The following ULK4 variants were observed in gnomAD, a reference collection of about 807,000 sequenced individuals.
The protein encoded by ULK4 is inactive serine/threonine-protein kinase ULK4.
A neutral mutation model predicts 160.6 loss-of-function variants in ULK4; 133 were observed. The ratio of observed to expected loss-of-function variants is 0.83; its 90% confidence interval spans 0.72 to 0.96. ULK4 has a LOEUF of 0.96. ULK4 is among the 40% of genes least tolerant of loss of function. ULK4 has a pLI of 0.00. For missense variants in ULK4, 1,580 were observed against 1,499.5 expected, an observed-to-expected ratio of 1.05 and a Z score of -0.89; for synonymous variants, 534 against 539.8, an observed-to-expected ratio of 0.99 and a Z score of 0.15.
At position 41,935,905 on chromosome 3, in the gene ULK4, T is replaced by C; in HGVS notation, c.274A>G (p.Asn92Asp). ...TCTCTCACAACATCTTCTGGGAGGT[T>C]TTCATCTTGAGCAATAACTGTTTTT... is the stretch of plus-strand genomic sequence containing the variant. ...SLKTVIAQDENLPEDVVREFG... is the reference protein window; with the variant it reads ...SLKTVIAQDEDLPEDVVREFG... The change falls in exon 4 of 37, where the codon AAC (asparagine) becomes GAC (aspartate). Residue 92 changes from asparagine (N) to aspartate (D), a missense_variant. By Grantham distance (23) the Asn-to-Asp change is conservative. Coordinates refer to ENST00000301831, the MANE Select transcript of ULK4 (RefSeq NM_017886.4). 6.2e-7 allele frequency: 1 copy of C among 1,613,858 alleles called. No homozygotes were observed. Among genetic ancestry groups the C allele is most frequent in the Non-Finnish European group, 8.5e-7 (1 of 1,179,950 alleles).
intron 34 of ULK4, among the ~76,000 whole-genome samples, chr3:41,415,838 T>C (rs762410882): frequency 6.6e-6 from 1 of 152,180 alleles, no homozygotes; most frequent in African/African-American, 2.4e-5. Context: ...ATGTACCTGG[T>C]AGACAGCACC....
chr3:41,658,988 T>C (rs1212801067), intron 30 of ULK4, among the ~76,000 whole-genome samples: 2 of 152,246 alleles, frequency 1.3e-5, no homozygotes, highest in Non-Finnish European at 2.9e-5. Flanking sequence ...AAACCCTCTT[T>C]ATTTTGATTG....
chr3:41,787,126 G>A (rs781006122), intron 21 of ULK4, among the ~76,000 whole-genome samples: 1 of 152,094 alleles, frequency 6.6e-6, no homozygotes, highest in Non-Finnish European at 1.5e-5. Flanking sequence ...AACCCCACCA[G>A]CAAAGAGCAA....
intron 35 of ULK4, among the ~76,000 whole-genome samples, chr3:41,305,452 C>T (rs1241345695): frequency 6.6e-6 from 1 of 152,266 alleles, no homozygotes; most frequent in Non-Finnish European, 1.5e-5. Context: ...CAGCCCCTAA[C>T]CGCAAGTGAT....
chr3:41,255,826 G>A (rs922756000), intron 35 of ULK4, among the ~76,000 whole-genome samples: 1 of 152,178 alleles, frequency 6.6e-6, no homozygotes, highest in Non-Finnish European at 1.5e-5. Context: ...ACAGAAACCA[G>A]AGGGGACACA....
At chr3:41,955,095 A>C (rs1325074224) in intron 1 of ULK4, among the ~76,000 whole-genome samples, 1 of 152,182 alleles carries the variant, frequency 6.6e-6, no homozygotes, top group African/African-American at 2.4e-5. Context: ...GTTTGAGACC[A>C]GCCTGGCCAA....
intron 34 of ULK4, among the ~76,000 whole-genome samples, chr3:41,413,203 T>TG (rs1195514800): frequency 6.6e-6 from 1 of 152,134 alleles, no homozygotes; most frequent in African/African-American, 2.4e-5. Context: ...GGGAACAGTA[T>TG]GGGGGAAACT....
In ULK4 at chr3:41,499,519, G is replaced by A. The variant is rs749503303; in HGVS notation, c.3227-36266C>T. On this transcript the variant is annotated intron_variant, in intron 32 of 36. Transcript: ENST00000301831. ...ATTTTTATTGATCGGCACAAAATAC[G>A]TGGTGGGCTCACAGCCTGGGTATAA... Among the ~76,000 whole-genome samples the A allele has an allele frequency of 7.2e-5, 11 of 152,278 alleles. No homozygotes were observed. In the South Asian group the frequency reaches 1.9e-3, roughly 26 times the overall value.
intron 32 of ULK4, among the ~76,000 whole-genome samples, chr3:41,548,983 C>T (rs1452718812): frequency 6.6e-6 from 1 of 152,146 alleles, no homozygotes; most frequent in Non-Finnish European, 1.5e-5. Flanking sequence ...GCTGCATGAA[C>T]CCTGAATCAA....
At chr3:41,788,641 G>A (rs946781536) in intron 21 of ULK4, among the ~76,000 whole-genome samples, 4 of 151,594 alleles carry the variant, frequency 2.6e-5, no homozygotes, top group South Asian at 2.1e-4. Flanking sequence ...AGTGAGCTGA[G>A]ATCACACCAC....
chr3:41,559,172 C>A (rs1298679754), intron 32 of ULK4, among the ~76,000 whole-genome samples: 1 of 148,894 alleles, frequency 6.7e-6, no homozygotes, highest in East Asian at 2.0e-4. Context: ...TGATGGTTTC[C>A]AGCTTCATCC....
intron 1 of ULK4, among the ~76,000 whole-genome samples, chr3:41,958,965 C>T (rs1224493997): frequency 1.3e-5 from 2 of 152,222 alleles, no homozygotes; most frequent in African/African-American, 2.4e-5. Flanking sequence ...CAATGACTCA[C>T]GTCTATAATC....
At chr3:41,896,768 G>A (rs770050269) in intron 15 of ULK4, 54 bp downstream of exon 15, 1 of 1,514,752 alleles carries the variant, frequency 6.6e-7, no homozygotes, top group East Asian at 2.3e-5. Flanking sequence ...GCACTTGTTT[G>A]AGCCTCTATA....
At chr3:41,600,040 T>G (rs1049051892) in intron 31 of ULK4, among the ~76,000 whole-genome samples, 6 of 152,190 alleles carry the variant, frequency 3.9e-5, no homozygotes, top group Admixed American at 3.9e-4. Context: ...CTTAGGTGGA[T>G]CTTTCTAAAT....
intron 21 of ULK4, among the ~76,000 whole-genome samples, chr3:41,780,168 C>G (rs2039782983): frequency 6.6e-6 from 1 of 151,166 alleles, no homozygotes; most frequent in African/African-American, 2.4e-5. Context: ...AAAAAAAAAG[C>G]CGAGTGTGGT....
At chr3:41,897,506 G>A (rs1221669860) in intron 14 of ULK4, among the ~76,000 whole-genome samples, 1 of 152,084 alleles carries the variant, frequency 6.6e-6, no homozygotes, top group Non-Finnish European at 1.5e-5. Context: ...TAGGAAATGT[G>A]ATACCCCCTA....
chr3:41,763,149 T>C (rs1283647755), intron 21 of ULK4, among the ~76,000 whole-genome samples: 2 of 151,924 alleles, frequency 1.3e-5, no homozygotes, highest in East Asian at 1.9e-4. Flanking sequence ...ATCAACTACA[T>C]ACAGGATAGG....
At chr3:41,732,099 G>A (rs533792468) in intron 22 of ULK4, among the ~76,000 whole-genome samples, 2 of 152,118 alleles carry the variant, frequency 1.3e-5, no homozygotes, top group Non-Finnish European at 2.9e-5. Context: ...ACTCAAAAGC[G>A]CAGGCAACAA....
At chr3:41,817,835 T>C (rs2041021334) in intron 19 of ULK4, among the ~76,000 whole-genome samples, 1 of 151,802 alleles carries the variant, frequency 6.6e-6, no homozygotes, top group African/African-American at 2.4e-5. Flanking sequence ...AAAAACCAAA[T>C]AACCCAATTT....
Sources: allele counts gnomAD v4.1 joint callset (sites outside exome capture counted in the v4.1 genomes callset), GRCh38; gene constraint gnomAD v4.1.1; transcripts MANE v1.5; gene names NCBI Gene and HGNC (gene_info 2026-07-23, HGNC 2026-07-21).